Variants in GPR149 observed in about 807,000 individuals in gnomAD.
The protein encoded by GPR149 is G protein-coupled receptor 149, also known as probable G protein-coupled receptor 149.
Under a neutral mutation model 50.2 loss-of-function variants are expected in GPR149, and 50 were observed. That is an observed-to-expected ratio of 1.00 (90% CI 0.79 to 1.26). The LOEUF (loss-of-function observed/expected upper bound fraction) is 1.26, where lower values mean the gene tolerates loss of function less well. Ranked by LOEUF, GPR149 falls within the 50% of genes most tolerant of loss-of-function variation. The pLI, the probability that GPR149 is intolerant of heterozygous loss-of-function variation, is 0.00. For synonymous variants in GPR149, 405 were observed against 358.2 expected (o/e 1.13, Z -1.48); for missense variants, 983 against 895.4 (o/e 1.10, Z -1.25).
chr3:154,363,453 G>T (rs1275482763), intron 3 of GPR149, among the ~76,000 whole-genome samples: 1 of 152,076 alleles, frequency 6.6e-6, no homozygotes, highest in Non-Finnish European at 1.5e-5. Flanking sequence ...CTGTCCCATT[G>T]CTGCAGCCTC....
In GPR149 at chr3:154,428,936, G is replaced by C; in HGVS notation, c.680C>G (p.Ser227Cys). ...TCCACGGGAAATTTCCTGGTAGTTG[G>C]AGTGGAGTCTCGGCGGCTCCTCCGA... The part of the protein sequence containing the change: ...LCSEEPPRLH[S>C]NYQEISRGAS... Residue 227 changes from serine (S) to cysteine (C), a missense_variant, in exon 1 of 4, where the codon TCC becomes TGC. Physicochemically the swap from Ser to Cys is moderately radical, Grantham distance 112. Coordinates refer to ENST00000389740, the MANE Select transcript of GPR149 (RefSeq NM_001038705.3). The C allele has an allele frequency of 6.2e-7, 1 of 1,614,140 alleles. No homozygotes were observed. Among genetic ancestry groups the C allele is most frequent in the East Asian group, 2.2e-5 (1 of 44,874 alleles).
chr3:154,422,554 T>A (rs1712177298), intron 2 of GPR149, among the ~76,000 whole-genome samples: 1 of 151,752 alleles, frequency 6.6e-6, no homozygotes, highest in South Asian at 2.1e-4. Context: ...AAAAGATAAG[T>A]AAAATTTGAT....
At chr3:154,351,313 CAAAAAAAAAAAAAAAAAAA>C (rs71155003) in intron 3 of GPR149, among the ~76,000 whole-genome samples, 1 of 75,528 alleles carries the variant, frequency 1.3e-5, no homozygotes, top group East Asian at 5.1e-4. Flanking sequence ...CATCCACATA[CAAAAAAAAAAAAAAAAAAA>C]AAAAAAAAAA....
chr3:154,367,142 G>A (rs893663160), intron 3 of GPR149, among the ~76,000 whole-genome samples: 4 of 152,110 alleles, frequency 2.6e-5, no homozygotes, highest in African/African-American at 4.8e-5. Flanking sequence ...GGTCAAGTAG[G>A]GGCTCAGAAA....
intron 3 of GPR149, among the ~76,000 whole-genome samples, chr3:154,414,769 G>C (rs1382280198): frequency 2.0e-5 from 3 of 151,608 alleles, no homozygotes; most frequent in Admixed American, 2.0e-4. Flanking sequence ...CTAATTGAGG[G>C]GTATTCCAAA....
chr3:154,400,903 T>C (rs536029242), intron 3 of GPR149, among the ~76,000 whole-genome samples: 2 of 152,334 alleles, frequency 1.3e-5, no homozygotes, highest in East Asian at 3.9e-4. Context: ...GGATATTAAA[T>C]ATCATTTTAT....
chr3:154,427,182 T>G (rs1417986290), intron 2 of GPR149, among the ~76,000 whole-genome samples: 1 of 152,198 alleles, frequency 6.6e-6, no homozygotes, highest in East Asian at 1.9e-4. Flanking sequence ...ATATTTTCTA[T>G]TCTGGACTAA....
intron 3 of GPR149, among the ~76,000 whole-genome samples, chr3:154,417,064 T>C (rs1712012606): frequency 6.6e-6 from 1 of 151,938 alleles, no homozygotes; most frequent in Non-Finnish European, 1.5e-5. Flanking sequence ...GCCAATTATT[T>C]TATAAGTCCA....
At chr3:154,408,923 A>G (rs1258500813) in intron 3 of GPR149, among the ~76,000 whole-genome samples, 3 of 152,238 alleles carry the variant, frequency 2.0e-5, no homozygotes, top group African/African-American at 4.8e-5. Flanking sequence ...GCCAATCAAC[A>G]CAAAACCAGC....
At chr3:154,410,777 A>T (rs776488176) in intron 3 of GPR149, among the ~76,000 whole-genome samples, 2 of 152,202 alleles carry the variant, frequency 1.3e-5, no homozygotes, top group African/African-American at 4.8e-5. Context: ...AGCACTAGAC[A>T]GGTCATCAAG....
intron 3 of GPR149, among the ~76,000 whole-genome samples, chr3:154,373,249 A>G (rs529136216): frequency 6.6e-6 from 1 of 152,310 alleles, no homozygotes; most frequent in East Asian, 1.9e-4. Flanking sequence ...AGGATGGAGT[A>G]GAACAGTGTC....
chr3:154,385,822 C>T (rs997909755), intron 3 of GPR149, among the ~76,000 whole-genome samples: 2 of 151,886 alleles, frequency 1.3e-5, no homozygotes, highest in Non-Finnish European at 2.9e-5. Flanking sequence ...CTGCCTCAGC[C>T]TCCCTAGTAG....
chr3:154,361,865 A>G (rs1247186795), intron 3 of GPR149, among the ~76,000 whole-genome samples: 1 of 152,180 alleles, frequency 6.6e-6, no homozygotes, highest in African/African-American at 2.4e-5. Flanking sequence ...CCAGTCTTAG[A>G]TTGGTGCTGA....
chr3:154,375,009 T>A (rs1299385483), intron 3 of GPR149, among the ~76,000 whole-genome samples: 1 of 152,206 alleles, frequency 6.6e-6, no homozygotes, highest in African/African-American at 2.4e-5. Flanking sequence ...AGAGGTTTGT[T>A]CCTGAAAATT....
At chr3:154,381,004 A>G (rs701124) in intron 3 of GPR149, among the ~76,000 whole-genome samples, 117,400 of 152,138 alleles carry the variant, frequency 0.77, 46,254 homozygotes, top group Middle Eastern at 0.91. Context: ...AAAAATACAA[A>G]GATCAGGTCT....
chr3:154,345,388 G>A (rs1213150061), intron 3 of GPR149, among the ~76,000 whole-genome samples: 4 of 152,148 alleles, frequency 2.6e-5, no homozygotes, highest in Non-Finnish European at 5.9e-5. Context: ...GTTATTGAAT[G>A]ACAAAGAATG....
intron 3 of GPR149, among the ~76,000 whole-genome samples, chr3:154,393,406 CTAGAAA>C (rs1023613112): frequency 1.3e-5 from 2 of 151,932 alleles, no homozygotes; most frequent in Non-Finnish European, 2.9e-5. Context: ...TCTCAACAGA[CTAGAAA>C]TAGAGGGAAA....
At chr3:154,393,580 G>A (rs1366635236) in intron 3 of GPR149, among the ~76,000 whole-genome samples, 2 of 151,936 alleles carry the variant, frequency 1.3e-5, no homozygotes, top group African/African-American at 4.8e-5. Flanking sequence ...CCTGGCCTGA[G>A]TAATTAGGCA....
chr3:154,384,547 G>T (rs1256883424), intron 3 of GPR149, among the ~76,000 whole-genome samples: 7 of 152,190 alleles, frequency 4.6e-5, no homozygotes, highest in African/African-American at 1.7e-4. Context: ...TGCAATGTAT[G>T]AAAGAATTAC....
Sources: gnomAD v4.1 joint callset for allele counts (sites outside exome capture counted in the v4.1 genomes callset) on GRCh38, gnomAD v4.1.1 for gene constraint, MANE v1.5 for transcripts, NCBI Gene and HGNC (gene_info 2026-07-23, HGNC 2026-07-21) for gene names.